COBL: variants seen among roughly 807,000 people sequenced by gnomAD.
COBL encodes protein cordon-bleu.
In COBL, 51 loss-of-function variants were observed where a neutral mutation model predicts 98.8. The ratio of observed to expected loss-of-function variants is 0.52; its 90% confidence interval spans 0.41 to 0.65. COBL has a LOEUF of 0.65. Among genes scored for constraint, COBL ranks in the 30% least tolerant of loss-of-function variants. The probability of loss-of-function intolerance (pLI) is 0.00; values close to 1 mark genes in which losing one functional copy is unlikely to be tolerated. For synonymous variants in COBL, 634 were observed against 651.7 expected (o/e 0.97, Z 0.41); for missense variants, 1,617 against 1,617.5 (o/e 1.00, Z 0.01).
At chr7:51,258,702 T>C (rs760134901) in intron 1 of COBL, among the ~76,000 whole-genome samples, 43 of 152,184 alleles carry the variant, frequency 2.8e-4, no homozygotes, top group Non-Finnish European at 7.3e-5. Flanking sequence ...TTAAGAGTAA[T>C]AACAAATAGC....
chr7:51,175,326 G>A (rs1192764419), intron 5 of COBL, among the ~76,000 whole-genome samples: 2 of 152,172 alleles, frequency 1.3e-5, no homozygotes, highest in South Asian at 4.1e-4. Flanking sequence ...ATACCAAAAG[G>A]TGCATGAACG....
At chr7:51,209,782 C>T (rs1346421026) in intron 2 of COBL, among the ~76,000 whole-genome samples, 1 of 152,148 alleles carries the variant, frequency 6.6e-6, no homozygotes, top group Admixed American at 6.5e-5. Flanking sequence ...TCTTGTCTGA[C>T]CTGACTTGCT....
intron 1 of COBL, among the ~76,000 whole-genome samples, chr7:51,302,070 T>C (rs1400808745): frequency 1.3e-5 from 2 of 152,176 alleles, no homozygotes; most frequent in Admixed American, 6.5e-5. Flanking sequence ...CCGAGCTGCA[T>C]GTCTCCACAG....
At chr7:51,252,503 C>T (rs1314259955) in intron 1 of COBL, among the ~76,000 whole-genome samples, 3 of 152,166 alleles carry the variant, frequency 2.0e-5, no homozygotes, top group Admixed American at 6.5e-5. Context: ...CTGTGACTGG[C>T]TTCTTTCACT....
chr7:51,272,884 A>G (rs1367345612), intron 1 of COBL, among the ~76,000 whole-genome samples: 1 of 152,086 alleles, frequency 6.6e-6, no homozygotes, highest in Non-Finnish European at 1.5e-5. Flanking sequence ...ACAACTTAAT[A>G]CTACACAAGT....
intron 7 of COBL, among the ~76,000 whole-genome samples, chr7:51,057,565 A>T (rs2128905883): frequency 6.6e-6 from 1 of 152,218 alleles, no homozygotes; most frequent in South Asian, 2.1e-4. Flanking sequence ...CAGTGATAAG[A>T]TCAGCATCAG....
At chr7:51,071,175 G>A (rs1792510852) in intron 7 of COBL, 1 of 152,162 alleles carries the variant, frequency 6.6e-6, no homozygotes, top group Non-Finnish European at 1.5e-5. Flanking sequence ...ATGACATGAT[G>A]GAAAAAAGAA....
Position 51,028,713 on chromosome 7 carries a change from G to T in COBL, c.2383C>A (p.Pro795Thr). ...GGATTCTGCGTCTGCGTGGGCACAG[G>T]GGTGGAGGGGGGTCCCCTGGCAGAG... Reference protein sequence around the residue: ...ESSARGPPSTPVPTQTQNPES... With the variant: ...ESSARGPPSTTVPTQTQNPES... The change falls in exon 10 of 13, where the codon CCT becomes ACT. Residue 795 changes from proline to threonine, a missense_variant. Pro to Thr is a conservative substitution (Grantham distance 38). Transcript: ENST00000265136. 6.2e-7 allele frequency: 1 copy of T among 1,614,014 alleles called. No homozygotes were observed. Among genetic ancestry groups the T allele is most frequent in the Non-Finnish European group, 8.5e-7 (1 of 1,179,946 alleles).
rs538337806 is a variant in COBL, at chr7:51,174,780, T to TTA, written c.783+9320_783+9321dup. 6.0e-4 allele frequency among the ~76,000 whole-genome samples: 92 copies of TTA among 152,322 alleles called. 1 individual carries two copies. The highest frequency in any genetic ancestry group is 4.7e-3 in the Admixed American group (72 of 15,306). On this transcript the variant is annotated intron_variant, in intron 5 of 12. Transcript: ENST00000265136. The stretch of plus-strand genomic sequence containing the variant: ...TCCCCCTTTGCCTTTAAAAACCTTC[T>TTA]TATAACCATGGCTGAATCTCTCCAA...
At chr7:51,102,401 G>C (rs1305453025) in intron 6 of COBL, among the ~76,000 whole-genome samples, 1 of 152,122 alleles carries the variant, frequency 6.6e-6, no homozygotes. Context: ...TTAAGGGGGA[G>C]GGAAGTTCTA....
intron 12 of COBL, among the ~76,000 whole-genome samples, chr7:51,022,055 G>A (rs912510618): frequency 6.6e-6 from 1 of 152,210 alleles, no homozygotes; most frequent in South Asian, 2.1e-4. Flanking sequence ...CTTCAGATTT[G>A]TTGTGGTTCT....
chr7:51,024,255 G>A (rs1032979877), intron 12 of COBL, among the ~76,000 whole-genome samples: 8 of 152,068 alleles, frequency 5.3e-5, no homozygotes, highest in African/African-American at 1.9e-4. Context: ...CTTGCAGTGA[G>A]CCGAGATCGC....
intron 5 of COBL, among the ~76,000 whole-genome samples, chr7:51,173,025 G>A (rs1358461315): frequency 6.6e-6 from 1 of 152,036 alleles, no homozygotes; most frequent in African/African-American, 2.4e-5. Flanking sequence ...CTGACCTTGG[G>A]TGATCTGCCC....
rs113780197 is a variant in COBL, at chr7:51,076,840, T to G, written c.1096+8326A>C. Among the ~76,000 whole-genome samples, 1,245 of 152,276 alleles carry G rather than the reference T, an allele frequency of 8.2e-3. 19 individuals are homozygous for G. Among genetic ancestry groups the G allele is most frequent in the African/African-American group, 0.029 (1,197 of 41,562 alleles). On this transcript the variant is annotated intron_variant, in intron 7 of 12. Coordinates refer to ENST00000265136, the MANE Select transcript of COBL (RefSeq NM_015198.5). ...CTTAAGCCTGGTGTAGAAAAATGTG[T>G]AAGAAAATGACAGTCACTGAATATT...
chr7:51,035,720 A>C (rs1325599927), intron 8 of COBL: 7 of 152,202 alleles, frequency 4.6e-5, no homozygotes, highest in African/African-American at 1.4e-4. Context: ...ATATAAAATT[A>C]TTTCTTTCTG....
chr7:51,158,974 A>G (rs7805927), intron 5 of COBL, among the ~76,000 whole-genome samples: 18,756 of 152,022 alleles, frequency 0.12, 1,644 homozygotes, highest in African/African-American at 0.25. Flanking sequence ...GAGAAACAGC[A>G]GCCCCAAGGG....
chr7:51,138,620 A>C (rs1464467896), intron 5 of COBL, among the ~76,000 whole-genome samples: 1 of 152,188 alleles, frequency 6.6e-6, no homozygotes, highest in Admixed American at 6.5e-5. Context: ...CTGTTTCCTC[A>C]TCCATAACGT....
chr7:51,147,858 C>T (rs1366729095), intron 5 of COBL, among the ~76,000 whole-genome samples: 3 of 151,816 alleles, frequency 2.0e-5, no homozygotes, highest in Non-Finnish European at 2.9e-5. Context: ...TCACACTAGT[C>T]TCCTGCCTCA....
intron 5 of COBL, among the ~76,000 whole-genome samples, chr7:51,168,692 T>C (rs1787569327): frequency 6.6e-6 from 1 of 152,198 alleles, no homozygotes; most frequent in African/African-American, 2.4e-5. Context: ...GCATAACTAT[T>C]ATGGAGAACT....
Sources: allele counts gnomAD v4.1 joint callset (sites outside exome capture counted in the v4.1 genomes callset), GRCh38; gene constraint gnomAD v4.1.1; transcripts MANE v1.5; gene names NCBI Gene and HGNC (gene_info 2026-07-23, HGNC 2026-07-21).